RABGEF1: variants seen among roughly 807,000 people sequenced by gnomAD.
The protein encoded by RABGEF1 is RAB guanine nucleotide exchange factor 1.
RABGEF1 carries 26 observed loss-of-function variants against 57.3 expected under a neutral mutation model. That is an observed-to-expected ratio of 0.45 (90% confidence interval 0.33 to 0.63). The LOEUF is 0.63. Among genes scored for constraint, RABGEF1 ranks in the 20% least tolerant of loss-of-function variants. The pLI, the probability that RABGEF1 is intolerant of heterozygous loss-of-function variation, is 0.02. For synonymous variants in RABGEF1, 185 were observed against 210.7 expected (o/e 0.88, Z 1.06); for missense variants, 464 against 607.6 (o/e 0.76, Z 2.48).
At chr7:66,715,790 C>G (rs1476907609) in intron 2 of RABGEF1, among the ~76,000 whole-genome samples, 1 of 151,686 alleles carries the variant, frequency 6.6e-6, no homozygotes, top group Non-Finnish European at 1.5e-5. Flanking sequence ...GTTACCTAAG[C>G]TGGAGTGCAG....
intron 3 of RABGEF1, among the ~76,000 whole-genome samples, chr7:66,779,587 A>G (rs1179213146): frequency 2.6e-5 from 4 of 150,964 alleles, no homozygotes; most frequent in Non-Finnish European, 4.4e-5. Context: ...TGGGAGGATC[A>G]TTTGTGCCTG....
intron 2 of RABGEF1, among the ~76,000 whole-genome samples, chr7:66,714,345 G>A (rs556221608): frequency 6.6e-6 from 1 of 152,128 alleles, no homozygotes; most frequent in Non-Finnish European, 1.5e-5. Flanking sequence ...TTAAATTTAT[G>A]ATATAGACTT....
chr7:66,668,586 C>T, the RABGEF1 span, among the ~76,000 whole-genome samples: 5,620 of 152,130 alleles, frequency 0.037, 159 homozygotes, highest in East Asian at 0.085. Flanking sequence ...TATTGTGGGC[C>T]GGGGGTGAAA....
chr7:66,750,824 A>C (rs1008008860), intron 1 of RABGEF1, among the ~76,000 whole-genome samples: 3 of 152,246 alleles, frequency 2.0e-5, no homozygotes, highest in Admixed American at 6.5e-5. Flanking sequence ...CAAAGATTTC[A>C]GTTTCATTCT....
intron 1 of RABGEF1, among the ~76,000 whole-genome samples, chr7:66,701,465 C>T (rs1220360058): frequency 6.6e-6 from 1 of 150,686 alleles, no homozygotes; most frequent in African/African-American, 2.4e-5. Flanking sequence ...TACCAGCACA[C>T]TCCAGCCTGG....
At chr7:66,770,478 A>C (rs1806816432) in intron 1 of RABGEF1, 1 of 152,120 alleles carries the variant, frequency 6.6e-6, no homozygotes, top group African/African-American at 2.4e-5. Flanking sequence ...GTATTATTTC[A>C]ATTTTTTTCT....
intron 7 of RABGEF1, among the ~76,000 whole-genome samples, chr7:66,800,331 TCTTA>T (rs1278584924): frequency 6.6e-6 from 1 of 152,182 alleles, no homozygotes; most frequent in Non-Finnish European, 1.5e-5. Context: ...GAGTGGGCTA[TCTTA>T]CTGCCTCTAC....
At chr7:66,736,302 A>G (rs1227694619), upstream of RABGEF1, among the ~76,000 whole-genome samples, 1 of 152,218 alleles carries the variant, frequency 6.6e-6, no homozygotes, top group Non-Finnish European at 1.5e-5. Context: ...CAAGGATGGA[A>G]AGCAAGGACA....
chr7:66,740,349 C>A (rs572410075), upstream of RABGEF1: 3 of 152,422 alleles, frequency 2.0e-5, no homozygotes, highest in South Asian at 4.1e-4. Context: ...TCCCTCGGCG[C>A]AGTAGCTCCG....
chr7:66,674,869 A>G, the RABGEF1 span, among the ~76,000 whole-genome samples: 1 of 152,006 alleles, frequency 6.6e-6, no homozygotes, highest in African/African-American at 2.4e-5. Context: ...TGGTGGTTGG[A>G]CGGGAATATT....
At chr7:66,737,780 C>T (rs1348550813), upstream of RABGEF1, among the ~76,000 whole-genome samples, 2 of 152,110 alleles carry the variant, frequency 1.3e-5, no homozygotes, top group Admixed American at 6.6e-5. Flanking sequence ...ATTGGTTGAG[C>T]CTAGGAGTTG....
chr7:66,674,790 TC>T, the RABGEF1 span, among the ~76,000 whole-genome samples: 10 of 151,998 alleles, frequency 6.6e-5, no homozygotes, highest in African/African-American at 2.4e-4. Flanking sequence ...AGTGGTTGCT[TC>T]CGTAGGGATT....
chr7:66,756,158 G>T, intron 1 of RABGEF1: 1 of 877,854 alleles, frequency 1.1e-6, no homozygotes, highest in Middle Eastern at 2.6e-4. Context: ...AGCAAAATCA[G>T]TTATTCAAAG....
chr7:66,684,079 C>G (rs1790210065), intron 1 of RABGEF1, among the ~76,000 whole-genome samples: 1 of 152,156 alleles, frequency 6.6e-6, no homozygotes, highest in Admixed American at 6.6e-5. Context: ...GACAGAGATA[C>G]AGGAGCTTAG....
At chr7:66,733,513 A>G (rs1430103012) in intron 2 of RABGEF1, among the ~76,000 whole-genome samples, 1 of 152,088 alleles carries the variant, frequency 6.6e-6, no homozygotes, top group East Asian at 1.9e-4. Context: ...ACTGGCCAAC[A>G]TGGTGAAACC....
At chr7:66,690,625 G>C (rs1791379135) in intron 1 of RABGEF1, among the ~76,000 whole-genome samples, 1 of 151,596 alleles carries the variant, frequency 6.6e-6, no homozygotes, top group Admixed American at 6.6e-5. Context: ...TGAGGTGAAA[G>C]GATCTGGGAA....
chr7:66,662,460 C>G, the RABGEF1 span, among the ~76,000 whole-genome samples: 7 of 152,170 alleles, frequency 4.6e-5, no homozygotes, highest in Non-Finnish European at 7.4e-5. Flanking sequence ...TTTGGCTGCT[C>G]CAGACCCTGA....
intron 1 of RABGEF1, among the ~76,000 whole-genome samples, chr7:66,693,417 G>A (rs1321735849): frequency 6.6e-6 from 1 of 152,052 alleles, no homozygotes; most frequent in Non-Finnish European, 1.5e-5. Flanking sequence ...GGGCTTCCAG[G>A]GCAGGCCTGG....
intron 1 of RABGEF1, among the ~76,000 whole-genome samples, chr7:66,753,300 T>G (rs1300949639): frequency 6.6e-6 from 1 of 152,146 alleles, no homozygotes; most frequent in Non-Finnish European, 1.5e-5. Context: ...CTGGGGTGTA[T>G]GATTGTCCTA....
Sources: gnomAD v4.1 joint callset for allele counts (sites outside exome capture counted in the v4.1 genomes callset) on GRCh38, gnomAD v4.1.1 for gene constraint, MANE v1.5 for transcripts, NCBI Gene and HGNC (gene_info 2026-07-23, HGNC 2026-07-21) for gene names.